Variants in NTM observed in about 807,000 individuals in gnomAD.
NTM encodes the protein IgLON family member 2.
A neutral mutation model predicts 42.1 loss-of-function variants in NTM; 13 were observed. The ratio of observed to expected loss-of-function variants is 0.31; its 90% CI spans 0.20 to 0.49. NTM has a LOEUF of 0.49. Ranked by LOEUF, NTM falls within the 20% of genes least tolerant of loss-of-function variation. The pLI is 0.99. For missense variants in NTM, 373 were observed against 452.8 expected (o/e 0.82, Z 1.60); for synonymous variants, 187 against 179.2 (o/e 1.04, Z -0.35).
At chr11:131,509,135 C>A (rs1475129362) in intron 1 of NTM, among the ~76,000 whole-genome samples, 2 of 152,186 alleles carry the variant, frequency 1.3e-5, no homozygotes, top group African/African-American at 2.4e-5. Context: ...GCCTCTACAC[C>A]ATGTCAAATC....
At chr11:131,514,984 C>CT in intron 1 of NTM, among the ~76,000 whole-genome samples, 1 of 152,288 alleles carries the variant, frequency 6.6e-6, no homozygotes, top group East Asian at 1.9e-4. Context: ...TCACAGTTCA[C>CT]TGTAGCCTTG....
intron 4 of NTM, among the ~76,000 whole-genome samples, chr11:132,258,933 A>G (rs562234396): frequency 7.2e-5 from 11 of 152,308 alleles, no homozygotes; most frequent in Middle Eastern, 3.4e-3. Context: ...CAAACACCCA[A>G]TAGTTCTGTT....
chr11:131,405,927 C>G (rs555444920), intron 1 of NTM, among the ~76,000 whole-genome samples: 2 of 152,310 alleles, frequency 1.3e-5, no homozygotes, highest in East Asian at 1.9e-4. Flanking sequence ...GGTTTTCCCT[C>G]CAGATCTGCT....
intron 1 of NTM, among the ~76,000 whole-genome samples, chr11:131,720,143 GA>G (rs2078165456): frequency 6.6e-6 from 1 of 152,194 alleles, no homozygotes; most frequent in Non-Finnish European, 1.5e-5. Flanking sequence ...CAAAGCAATT[GA>G]AAAGTTAATA....
intron 3 of NTM, among the ~76,000 whole-genome samples, chr11:132,150,450 G>T (rs1314339325): frequency 6.6e-6 from 1 of 152,200 alleles, no homozygotes; most frequent in Non-Finnish European, 1.5e-5. Context: ...ATTGGATAGT[G>T]CTATAAGGGG....
At chr11:131,465,847 C>T (rs1951830700) in intron 1 of NTM, among the ~76,000 whole-genome samples, 1 of 152,196 alleles carries the variant, frequency 6.6e-6, no homozygotes, top group African/African-American at 2.4e-5. Flanking sequence ...TGTGGTTGTC[C>T]CTTGGCTGTG....
chr11:131,815,995 C>T (rs1446264265), intron 1 of NTM, among the ~76,000 whole-genome samples: 3 of 152,128 alleles, frequency 2.0e-5, no homozygotes, highest in African/African-American at 7.2e-5. Context: ...CCATGGTTTC[C>T]ATTTCAACCT....
intron 2 of NTM, among the ~76,000 whole-genome samples, chr11:131,984,245 T>G (rs769698898): frequency 1.3e-5 from 2 of 152,220 alleles, no homozygotes; most frequent in Non-Finnish European, 2.9e-5. Flanking sequence ...TTCTTCATGA[T>G]CAGCCATGGC....
At chr11:131,867,330 C>T (rs537473883) in intron 1 of NTM, among the ~76,000 whole-genome samples, 5 of 151,998 alleles carry the variant, frequency 3.3e-5, no homozygotes, top group Admixed American at 2.0e-4. Flanking sequence ...ACGCTGTGTG[C>T]GTGCGGATGG....
chr11:131,724,531 G>A lies in NTM; in HGVS notation c.83-187033G>A, dbSNP rs112616393. On this transcript the variant is annotated intron_variant, in intron 1 of 8. Transcript: ENST00000683400. The stretch of plus-strand genomic sequence containing the variant: ...GCAAATAAGAACGGAAGTGAGGAGA[G>A]CCCAGAACCCTGTTGAAAGTTAATA... Among the ~76,000 whole-genome samples, 370 of 152,216 alleles carry A rather than the reference G, an allele frequency of 2.4e-3. 3 individuals are homozygous for A. The highest frequency in any genetic ancestry group is 8.6e-3 in the African/African-American group (358 of 41,544).
At chr11:132,092,198 T>G (rs572569845) in intron 2 of NTM, among the ~76,000 whole-genome samples, 1 of 152,376 alleles carries the variant, frequency 6.6e-6, no homozygotes, top group South Asian at 2.1e-4. Context: ...TATTTCATAT[T>G]TAAAATCATT....
intron 2 of NTM, among the ~76,000 whole-genome samples, chr11:131,939,442 A>T (rs1411619029): frequency 6.6e-6 from 1 of 152,104 alleles, no homozygotes; most frequent in Non-Finnish European, 1.5e-5. Flanking sequence ...GATGGTAGTA[A>T]TTGGAGAGGT....
At chr11:131,598,162 C>T (rs1187310558) in intron 1 of NTM, among the ~76,000 whole-genome samples, 1 of 151,070 alleles carries the variant, frequency 6.6e-6, no homozygotes, top group Non-Finnish European at 1.5e-5. Context: ...TATGGGGACA[C>T]AACTCACAGT....
At chr11:132,267,475 G>A (rs1239405831) in intron 4 of NTM, among the ~76,000 whole-genome samples, 1 of 77,588 alleles carries the variant, frequency 1.3e-5, no homozygotes, top group African/African-American at 5.2e-5. Context: ...TGGGTTCTTG[G>A]ATGATTTTTT....
At chr11:132,048,648 G>A (rs1429931049) in intron 2 of NTM, among the ~76,000 whole-genome samples, 1 of 152,130 alleles carries the variant, frequency 6.6e-6, no homozygotes, top group Non-Finnish European at 1.5e-5. Flanking sequence ...CAGTGGCTCA[G>A]GGACCCAGAA....
At chr11:131,735,799 A>G (rs2135529688) in intron 1 of NTM, among the ~76,000 whole-genome samples, 1 of 151,878 alleles carries the variant, frequency 6.6e-6, no homozygotes, top group South Asian at 2.1e-4. Flanking sequence ...AGTGGGAGTC[A>G]GAAGCCTGTG....
At chr11:132,047,883 T>A (rs1341233529) in intron 2 of NTM, among the ~76,000 whole-genome samples, 1 of 152,190 alleles carries the variant, frequency 6.6e-6, no homozygotes, top group East Asian at 1.9e-4. Flanking sequence ...CCTGTTGAGG[T>A]CAAAGTTGGG....
chr11:132,249,458 C>T (rs966404435), intron 4 of NTM, among the ~76,000 whole-genome samples: 13 of 151,714 alleles, frequency 8.6e-5, no homozygotes, highest in Non-Finnish European at 1.6e-4. Flanking sequence ...AGGAGATGGA[C>T]AACATTTTAA....
At chr11:131,434,029 T>A (rs931326523) in intron 1 of NTM, among the ~76,000 whole-genome samples, 1 of 152,202 alleles carries the variant, frequency 6.6e-6, no homozygotes, top group African/African-American at 2.4e-5. Context: ...TTCCCACCTA[T>A]GAGTGAGAAC....
Sources: gnomAD v4.1 joint callset for allele counts (sites outside exome capture counted in the v4.1 genomes callset) on GRCh38, gnomAD v4.1.1 for gene constraint, MANE v1.5 for transcripts, NCBI Gene and HGNC (gene_info 2026-07-23, HGNC 2026-07-21) for gene names.